Variants in APOC2 observed in about 807,000 individuals in gnomAD.
The protein encoded by APOC2 is apolipoprotein C-II.
APOC2 carries 6 observed loss-of-function variants against 10.2 expected under a neutral mutation model. The ratio of observed to expected loss-of-function variants is 0.59; its 90% CI spans 0.32 to 1.16. The LOEUF (loss-of-function observed/expected upper bound fraction) is 1.16, where lower values mean the gene tolerates loss of function less well. Ranked by LOEUF, APOC2 falls within the 50% of genes most tolerant of loss-of-function variation. APOC2 has a pLI of 0.05. For synonymous variants in APOC2, 56 were observed against 48.5 expected, an observed-to-expected ratio of 1.15 and a Z score of -0.64; for missense variants, 110 against 117.6, an observed-to-expected ratio of 0.94 and a Z score of 0.30.
rs1970348690 is a variant in APOC2, at chr19:44,948,612, A to ACCTCTGCCTCTGCCCTCTCCTCTTCTTC, written c.55+81_56-60dup. On this transcript the variant is annotated intron_variant, in intron 2 of 3. Transcript: ENST00000252490. ...CATCTTCCCAGCCCAGGCCCTTCTTACCTCTGCCTCTGCCCTCTCCTCTTC... is the reference window on the plus strand; with the variant it reads ...CATCTTCCCAGCCCAGGCCCTTCTTACCTCTGCCTCTGCCCTCTCCTCTTCTTCCCTCTGCCTCTGCCCTCTCCTCTTC... The ACCTCTGCCTCTGCCCTCTCCTCTTCTTC allele has an allele frequency of 5.0e-6, 8 of 1,603,500 alleles. No homozygotes were observed. In the African/African-American group the frequency reaches 9.4e-5, roughly 19 times the overall value.
Position 44,948,860 on chromosome 19 carries a change from G to A in APOC2, c.215G>A (p.Arg72Lys), listed in dbSNP as rs1475941193. 1 of 1,611,816 alleles carries A rather than the reference G, an allele frequency of 6.2e-7. No homozygotes were observed. Among genetic ancestry groups the A allele is most frequent in the South Asian group, 1.1e-5 (1 of 91,090 alleles). Reference sequence around the variant, plus strand: ...CTGCCCGCTGTAGATGAGAAACTCAGGTAGCACCTGCCCCTGGAGAAATGG... The same window carrying A: ...CTGCCCGCTGTAGATGAGAAACTCAAGTAGCACCTGCCCCTGGAGAAATGG... ...TYLPAVDEKL[R>K]DLYSKSTAAM... The change falls in exon 3 of 4, where the codon AGG becomes AAG. Residue 72 changes from arginine (R) to lysine (K), a missense_variant and splice_region_variant. Arg to Lys is a conservative substitution (Grantham distance 26). Coordinates refer to ENST00000252490, the MANE Select transcript of APOC2 (RefSeq NM_000483.5).
Position 44,948,791 on chromosome 19 carries a change from A to C in APOC2, c.146A>C (p.Glu49Ala). Residue 49 changes from glutamate (E) to alanine (A), a missense_variant, in exon 3 of 4, where the codon GAG becomes GCG. By Grantham distance (107) the Glu-to-Ala change is moderately radical. Coordinates refer to ENST00000252490, the MANE Select transcript of APOC2 (RefSeq NM_000483.5). ...AAGGAATCTCTCTCCAGTTACTGGGAGTCAGCAAAGACAGCCGCCCAGAAC... is the reference window on the plus strand; with the variant it reads ...AAGGAATCTCTCTCCAGTTACTGGGCGTCAGCAAAGACAGCCGCCCAGAAC... ...QVKESLSSYWESAKTAAQNLY... is the reference protein window; with the variant it reads ...QVKESLSSYWASAKTAAQNLY... 1 of 1,614,140 alleles carries C rather than the reference A, an allele frequency of 6.2e-7. No individual in the cohort carries two copies. Among genetic ancestry groups the C allele is most frequent in the Non-Finnish European group, 8.5e-7 (1 of 1,180,014 alleles).
At chr19:44,946,385 T>C (rs1310551405) in intron 1 of APOC2, among the ~76,000 whole-genome samples, 2 of 152,006 alleles carry the variant, frequency 1.3e-5, no homozygotes, top group Admixed American at 1.3e-4. Context: ...TTTAGAACTG[T>C]AGACTATTTG....
intron 1 of APOC2, among the ~76,000 whole-genome samples, chr19:44,946,510 A>G (rs1364717152): frequency 6.6e-6 from 1 of 151,960 alleles, no homozygotes; most frequent in Non-Finnish European, 1.5e-5. Context: ...TGACAGAGAA[A>G]CCCCATTTCT....
intron 1 of APOC2, among the ~76,000 whole-genome samples, chr19:44,946,650 C>T (rs1391235125): frequency 6.6e-6 from 1 of 152,010 alleles, no homozygotes; most frequent in African/African-American, 2.4e-5. Flanking sequence ...GGTGAAACCG[C>T]ATCTATACTA....
Position 44,948,287 on chromosome 19 carries a change from G to C in APOC2, c.-13-179G>C, listed in dbSNP as rs1437297752. The C allele has an allele frequency of 6.4e-6, 4 of 629,620 alleles. No individual in the cohort carries two copies. In the African/African-American group the frequency reaches 7.4e-5, roughly 12 times the overall value. The allele number at this position is 629,620 out of a possible 1,614,324, so 39.0% of individuals were successfully genotyped here. On this transcript the variant is annotated intron_variant, in intron 1 of 3. Transcript: ENST00000252490. ...TGTTAAAATCAGGAGTAGAATCACA[G>C]AATGTTGGAAAGTGAGGCCCAAGAA...
Position 44,948,405 on chromosome 19 carries a change from G to A in APOC2, c.-13-61G>A, listed in dbSNP as rs12709888. On this transcript the variant is annotated intron_variant, in intron 1 of 3. Coordinates refer to ENST00000252490, the MANE Select transcript of APOC2 (RefSeq NM_000483.5). ...TCAGTCCCCCCCACCAGAGTGGGGC[G>A]TGACCACAGGAACAGCCGCCTCCAG... is the stretch of plus-strand genomic sequence containing the variant. The A allele has an allele frequency of 2.6e-3, 3,716 of 1,433,930 alleles. 71 individuals are homozygous for A. The highest frequency in any genetic ancestry group is 3.2e-3 in the East Asian group (142 of 43,960). 88.8% of individuals were successfully genotyped at this position (1,433,930 alleles called of 1,614,324 possible).
At chr19:44,946,938 T>C (rs907402359) in intron 1 of APOC2, among the ~76,000 whole-genome samples, 1 of 152,104 alleles carries the variant, frequency 6.6e-6, no homozygotes, top group Non-Finnish European at 1.5e-5. Flanking sequence ...GATCACTTGA[T>C]GTCAGGAGTT....
In APOC2 at chr19:44,948,547, T is replaced by G. The variant is rs775028847; in HGVS notation, c.55+14T>G. 1.9e-6 allele frequency: 3 copies of G among 1,613,824 alleles called. No individual in the cohort carries two copies. Among genetic ancestry groups the G allele is most frequent in the Non-Finnish European group, 2.5e-6 (3 of 1,179,746 alleles). ...TATTGGGATTTGGTGAGTGTGGGCT[T>G]CCGGGGAGGGAAGCCTTGGGGAGGG... is the stretch of plus-strand genomic sequence containing the variant. On this transcript the variant is annotated intron_variant, in intron 2 of 3. Transcript: ENST00000252490.
At position 44,948,538 on chromosome 19, in the gene APOC2, G is replaced by A. The variant is rs545692408; in HGVS notation, c.55+5G>A. 1.2e-6 allele frequency: 2 copies of A among 1,614,024 alleles called. No homozygotes were observed. Among genetic ancestry groups the A allele is most frequent in the Admixed American group, 1.7e-5 (1 of 60,014 alleles). On this transcript the variant is annotated splice_donor_5th_base_variant and intron_variant, in intron 2 of 3. Coordinates refer to ENST00000252490, the MANE Select transcript of APOC2 (RefSeq NM_000483.5). Reference sequence around the variant, plus strand: ...TCCTCCTGGTATTGGGATTTGGTGAGTGTGGGCTTCCGGGGAGGGAAGCCT... The same window carrying A: ...TCCTCCTGGTATTGGGATTTGGTGAATGTGGGCTTCCGGGGAGGGAAGCCT...
In APOC2 at chr19:44,949,229, G is replaced by A. The variant is rs1260201800; in HGVS notation, c.286G>A (p.Val96Met). Reference sequence around the variant, plus strand: ...CATTTTTACTGACCAAGTTCTTTCTGTGCTGAAGGGAGAGGAGTAACAGCC... The same window carrying A: ...CATTTTTACTGACCAAGTTCTTTCTATGCTGAAGGGAGAGGAGTAACAGCC... The part of the protein sequence containing the change: ...TGIFTDQVLS[V>M]LKGEE The change falls in exon 4 of 4, where the codon GTG becomes ATG. Residue 96 changes from valine to methionine, a missense_variant. By Grantham distance (21) the Val-to-Met change is conservative (BLOSUM62 1). Transcript: ENST00000252490. The A allele has an allele frequency of 6.2e-7, 1 of 1,613,842 alleles. No homozygotes were observed. The highest frequency in any genetic ancestry group is 1.1e-5 in the South Asian group (1 of 90,994).
rs1970361064 is a variant in APOC2, at chr19:44,949,478, T to C, written c.*229T>C. Reference sequence around the variant, plus strand: ...CTGACTCAGTCCAGCCAACATTTAATGAGCACCTACTTTATGTATGGAGCT... The same window carrying C: ...CTGACTCAGTCCAGCCAACATTTAACGAGCACCTACTTTATGTATGGAGCT... On this transcript the variant is annotated 3_prime_UTR_variant, in exon 4 of 4. Coordinates refer to ENST00000252490, the MANE Select transcript of APOC2 (RefSeq NM_000483.5). 1.7e-6 allele frequency: 1 copy of C among 581,488 alleles called. No homozygotes were observed. The highest frequency in any genetic ancestry group is 1.9e-5 in the African/African-American group (1 of 53,510). 36.0% of individuals were successfully genotyped at this position (581,488 alleles called of 1,614,324 possible).
At position 44,948,790 on chromosome 19, in the gene APOC2, G is replaced by A; in HGVS notation, c.145G>A (p.Glu49Lys). The A allele has an allele frequency of 6.2e-7, 1 of 1,614,136 alleles. No individual in the cohort carries two copies. The highest frequency in any genetic ancestry group is 8.5e-7 in the Non-Finnish European group (1 of 1,180,026). ...QVKESLSSYW[E>K]SAKTAAQNLY... ...GAAGGAATCTCTCTCCAGTTACTGG[G>A]AGTCAGCAAAGACAGCCGCCCAGAA... is the stretch of plus-strand genomic sequence containing the variant. Residue 49 changes from glutamate (E) to lysine (K), a missense_variant, in exon 3 of 4, where the codon GAG (glutamate) becomes AAG (lysine). By Grantham distance (56) the Glu-to-Lys change is moderately conservative (BLOSUM62 1). Coordinates refer to ENST00000252490, the MANE Select transcript of APOC2 (RefSeq NM_000483.5).
chr19:44,946,968 A>G (rs1970328640), intron 1 of APOC2, among the ~76,000 whole-genome samples: 1 of 152,212 alleles, frequency 6.6e-6, no homozygotes, highest in South Asian at 2.1e-4. Context: ...CCTGGCCAAC[A>G]TGGTGAAACC....
Position 44,949,182 on chromosome 19 carries a change from C to A in APOC2, c.239C>A (p.Ala80Glu). Reference protein sequence around the residue: ...KLRDLYSKSTAAMSTYTGIFT... With the variant: ...KLRDLYSKSTEAMSTYTGIFT... ...AGGGACTTGTACAGCAAAAGCACAG[C>A]AGCCATGAGCACTTACACAGGCATT... The change falls in exon 4 of 4, where the codon GCA (alanine) becomes GAA (glutamate). Residue 80 changes from alanine (A) to glutamate (E), a missense_variant. Physicochemically the swap from Ala to Glu is moderately radical, Grantham distance 107. Transcript: ENST00000252490. 1 of 1,614,038 alleles carries A rather than the reference C, an allele frequency of 6.2e-7. No homozygotes were observed. The highest frequency in any genetic ancestry group is 8.5e-7 in the Non-Finnish European group (1 of 1,180,000).
At chr19:44,947,493 G>C (rs1970334685) in intron 1 of APOC2, among the ~76,000 whole-genome samples, 1 of 152,160 alleles carries the variant, frequency 6.6e-6, no homozygotes, top group Admixed American at 6.5e-5. Flanking sequence ...AACTGTTTAG[G>C]TGCTCAAGAA....
At chr19:44,946,234 T>TGTGAGAGAGA (rs1236986911) in intron 1 of APOC2, among the ~76,000 whole-genome samples, 159 bp downstream of exon 1, 1 of 132,836 alleles carries the variant, frequency 7.5e-6, no homozygotes, top group African/African-American at 3.0e-5. Flanking sequence ...TGTGTGTGTG[T>TGTGAGAGAGA]GAGAGAGAGA....
chr19:44,949,485 C>G lies in APOC2; in HGVS notation c.*236C>G. The G allele has an allele frequency of 1.7e-6, 1 of 573,446 alleles. No individual in the cohort carries two copies. Among genetic ancestry groups the G allele is most frequent in the Non-Finnish European group, 3.1e-6 (1 of 319,438 alleles). 35.5% of individuals were successfully genotyped at this position (573,446 alleles called of 1,614,324 possible). A position where few individuals can be genotyped will look rare whatever the true frequency, so the allele number is the denominator to read the frequency against. The stretch of plus-strand genomic sequence containing the variant: ...AGTCCAGCCAACATTTAATGAGCAC[C>G]TACTTTATGTATGGAGCTCTAACCC... On this transcript the variant is annotated 3_prime_UTR_variant, in exon 4 of 4. Transcript: ENST00000252490.
intron 2 of APOC2, 58 bp from the exon 3 acceptor site, chr19:44,948,643 T>A: frequency 6.2e-7 from 1 of 1,609,434 alleles, no homozygotes; most frequent in Non-Finnish European, 8.5e-7. Flanking sequence ...TCTTCTTCCT[T>A]CCTCCTTTCC....
Sources: gnomAD v4.1 joint callset for allele counts (sites outside exome capture counted in the v4.1 genomes callset) on GRCh38, gnomAD v4.1.1 for gene constraint, MANE v1.5 for transcripts, NCBI Gene and HGNC (gene_info 2026-07-23, HGNC 2026-07-21) for gene names.